Variants in STRN3 observed in about 807,000 individuals in gnomAD.
STRN3 encodes striatin-3.
A neutral mutation model predicts 95.6 loss-of-function variants in STRN3; 29 were observed. The ratio of observed to expected loss-of-function variants is 0.30; its 90% CI spans 0.23 to 0.41. The LOEUF (loss-of-function observed/expected upper bound fraction) is 0.41, where lower values mean the gene tolerates loss of function less well. Among genes scored for constraint, STRN3 ranks in the 10% least tolerant of loss-of-function variants. The probability of loss-of-function intolerance (pLI) is 1.00; values close to 1 mark genes in which losing one functional copy is unlikely to be tolerated. For synonymous variants in STRN3, 331 were observed against 357.6 expected (o/e 0.93, Z 0.84); for missense variants, 890 against 972.1 (o/e 0.92, Z 1.12).
intron 1 of STRN3, among the ~76,000 whole-genome samples, chr14:30,960,894 A>G (rs1404571583): frequency 6.7e-6 from 1 of 149,032 alleles, no homozygotes; most frequent in Admixed American, 6.7e-5. Flanking sequence ...AAAAAAATAG[A>G]AAGAAAAGAA....
Position 31,026,069 on chromosome 14 carries a change from G to A in STRN3, c.117C>T (p.Gly39=). 6.6e-7 allele frequency: 1 copy of A among 1,516,142 alleles called. No individual in the cohort carries two copies. Among genetic ancestry groups the A allele is most frequent in the Non-Finnish European group, 8.8e-7 (1 of 1,134,268 alleles). 93.9% of individuals were successfully genotyped at this position (1,516,142 alleles called of 1,614,324 possible). A position where few individuals can be genotyped will look rare whatever the true frequency, so the allele number is the denominator to read the frequency against. ...GLSPGGNGAA[G]GGGPPASEGA... ...CCTCGGAGGCCGGAGGACCCCCGCC[G>A]CCCGCCGCTCCGTTCCCCCCGGGCG... Residue 39 remains glycine, a synonymous_variant, in exon 1 of 18, where the codon GGC becomes GGT. Transcript: ENST00000357479.
chr14:30,953,730 C>G (rs904646044), intron 3 of STRN3, among the ~76,000 whole-genome samples: 1 of 152,112 alleles, frequency 6.6e-6, no homozygotes, highest in Non-Finnish European at 1.5e-5. Context: ...CCCGGGCTCA[C>G]GCAATCCTCC....
chr14:31,019,886 C>CTTTTTTTTTTTTTTTTT (rs67956918), intron 1 of STRN3, among the ~76,000 whole-genome samples: 1 of 143,050 alleles, frequency 7.0e-6, no homozygotes. Flanking sequence ...CACTCATTTT[C>CTTTTTTTTTTTTTTTTT]TTTTTTTTTT....
At position 30,954,106 on chromosome 14, in the gene STRN3, T is replaced by C. The variant is rs77568533; in HGVS notation, c.460+1514A>G. Among the ~76,000 whole-genome samples, 580 of 152,336 alleles carry C rather than the reference T, an allele frequency of 3.8e-3. 2 individuals carry two copies. Among genetic ancestry groups the C allele is most frequent in the African/African-American group, 0.013 (543 of 41,586 alleles). ...CTGGTCAGTGTCTAATTGTATTCCA[T>C]TGTGGTTTTAAGTTGTATTTTCTTA... On this transcript the variant is annotated intron_variant, in intron 3 of 17. Transcript: ENST00000357479.
intron 1 of STRN3, among the ~76,000 whole-genome samples, chr14:30,984,708 G>A (rs1881593439): frequency 6.6e-6 from 1 of 151,830 alleles, no homozygotes; most frequent in South Asian, 2.1e-4. Flanking sequence ...AAATGGGGAG[G>A]CGGAGGTTGC....
At chr14:31,025,429 G>A (rs1300732625) in intron 1 of STRN3, 2 of 165,142 alleles carry the variant, frequency 1.2e-5, no homozygotes, top group Admixed American at 1.2e-4. Flanking sequence ...TCTGAGGGAG[G>A]GGGCCAGATA....
At chr14:31,024,099 T>C (rs767995971) in intron 1 of STRN3, among the ~76,000 whole-genome samples, 12 of 152,174 alleles carry the variant, frequency 7.9e-5, no homozygotes, top group South Asian at 2.1e-4. Context: ...CTTTAATATA[T>C]AGTATAGGTT....
At chr14:30,917,249 C>A (rs892114364) in intron 9 of STRN3, among the ~76,000 whole-genome samples, 1 of 152,172 alleles carries the variant, frequency 6.6e-6, no homozygotes, top group Admixed American at 6.5e-5. Flanking sequence ...CGCCCTCCTA[C>A]CAGCATCAAG....
chr14:30,994,180 G>A (rs7142993), intron 1 of STRN3, among the ~76,000 whole-genome samples: 4,413 of 151,860 alleles, frequency 0.029, 74 homozygotes, highest in Non-Finnish European at 0.045. Context: ...CTGGCGAGAC[G>A]GGGTTTCAAT....
Position 30,929,199 on chromosome 14 carries a change from A to G in STRN3, c.1099+2T>C. On this transcript the variant is annotated splice_donor_variant, in intron 8 of 17. Transcript: ENST00000357479. LOFTEE classifies it high-confidence loss of function. ...ATTATAATAGTCAGAATCTGCACTT[A>G]CTCTTCACCCCTTTCTTCCCCTTTC... is the stretch of plus-strand genomic sequence containing the variant. The G allele has an allele frequency of 6.2e-7, 1 of 1,601,316 alleles. No homozygotes were observed. Among genetic ancestry groups the G allele is most frequent in the Non-Finnish European group, 8.5e-7 (1 of 1,174,460 alleles).
chr14:30,908,278 T>C (rs1182915460), intron 13 of STRN3, among the ~76,000 whole-genome samples: 1 of 152,140 alleles, frequency 6.6e-6, no homozygotes, highest in African/African-American at 2.4e-5. Context: ...CACCCAGCAA[T>C]AGAAATATGC....
At chr14:30,941,828 G>A (rs1057389858) in intron 5 of STRN3, among the ~76,000 whole-genome samples, 12 of 151,692 alleles carry the variant, frequency 7.9e-5, no homozygotes, top group African/African-American at 1.9e-4. Flanking sequence ...GTTTCACCAC[G>A]TTGGCTGGTC....
At chr14:30,990,434 C>T (rs929089866) in intron 1 of STRN3, among the ~76,000 whole-genome samples, 6 of 152,062 alleles carry the variant, frequency 3.9e-5, no homozygotes, top group African/African-American at 1.5e-4. Context: ...TCCCAAAGTG[C>T]TGGGATTACA....
At chr14:30,913,247 T>C (rs1225329049) in intron 10 of STRN3, among the ~76,000 whole-genome samples, 1 of 152,158 alleles carries the variant, frequency 6.6e-6, no homozygotes, top group Non-Finnish European at 1.5e-5. Flanking sequence ...ATGGCTTAAT[T>C]TGAGATAATT....
At chr14:30,915,071 A>C (rs1001658233) in intron 9 of STRN3, among the ~76,000 whole-genome samples, 3 of 152,220 alleles carry the variant, frequency 2.0e-5, no homozygotes, top group Non-Finnish European at 4.4e-5. Context: ...ATCATAATAT[A>C]AAACTCAATA....
chr14:30,897,557 C>G (rs1376305944), intron 16 of STRN3, among the ~76,000 whole-genome samples: 1 of 152,158 alleles, frequency 6.6e-6, no homozygotes. Context: ...TGCACTTCAG[C>G]CTGGGTGACA....
intron 1 of STRN3, among the ~76,000 whole-genome samples, chr14:30,987,709 A>C (rs1314537913): frequency 6.6e-6 from 1 of 151,712 alleles, no homozygotes; most frequent in African/African-American, 2.4e-5. Flanking sequence ...TTCTGCCCAC[A>C]ATATTTTCTT....
intron 5 of STRN3, among the ~76,000 whole-genome samples, chr14:30,944,873 A>G (rs916520730): frequency 8.5e-5 from 13 of 152,068 alleles, no homozygotes; most frequent in African/African-American, 3.1e-4. Flanking sequence ...TCAGCTTTCC[A>G]AAGTGCTGGG....
intron 7 of STRN3, among the ~76,000 whole-genome samples, chr14:30,930,610 A>G (rs1283542349): frequency 1.3e-5 from 2 of 152,164 alleles, no homozygotes; most frequent in Non-Finnish European, 1.5e-5. Context: ...GAATCACTTG[A>G]AACTAGGTTA....
Sources: allele counts gnomAD v4.1 joint callset (sites outside exome capture counted in the v4.1 genomes callset), GRCh38; gene constraint gnomAD v4.1.1; transcripts MANE v1.5; gene names NCBI Gene and HGNC (gene_info 2026-07-23, HGNC 2026-07-21).